Variants in SDK1 observed in about 807,000 individuals in gnomAD.
SDK1 encodes the protein sidekick cell adhesion molecule 1, also known as protein sidekick-1.
A neutral mutation model predicts 245.5 loss-of-function variants in SDK1; 157 were observed. The ratio of observed to expected loss-of-function variants is 0.64; its 90% CI spans 0.56 to 0.73. SDK1 has a LOEUF of 0.73. Among genes scored for constraint, SDK1 ranks in the 30% least tolerant of loss-of-function variants. SDK1 has a pLI of 0.00. For synonymous variants in SDK1, 1,647 were observed against 1,278.5 expected (o/e 1.29, Z -6.15); for missense variants, 3,583 against 3,002.3 (o/e 1.19, Z -4.52).
intron 4 of SDK1, among the ~76,000 whole-genome samples, chr7:3,737,438 C>G (rs1452066863): frequency 1.3e-5 from 2 of 152,212 alleles, no homozygotes; most frequent in Non-Finnish European, 2.9e-5. Flanking sequence ...TGCTGCTCTG[C>G]TAGGTGGGGC....
intron 16 of SDK1, 62 bp from the exon 17 acceptor site, chr7:4,017,109 G>A: frequency 2.7e-6 from 4 of 1,500,528 alleles, no homozygotes; most frequent in Non-Finnish European, 3.6e-6. Flanking sequence ...AATAACTGCG[G>A]GTAAACACCG....
chr7:4,067,491 A>T (rs573910628), intron 19 of SDK1, among the ~76,000 whole-genome samples: 1 of 152,318 alleles, frequency 6.6e-6, no homozygotes, highest in East Asian at 1.9e-4. Context: ...TACACCATGG[A>T]GGAACACTCA....
chr7:4,131,196 G>A (rs1784790093), intron 27 of SDK1, among the ~76,000 whole-genome samples: 1 of 152,186 alleles, frequency 6.6e-6, no homozygotes. Context: ...GTAACAGCAG[G>A]CCCACTGCAA....
At chr7:3,392,030 C>G (rs1470367142) in intron 1 of SDK1, among the ~76,000 whole-genome samples, 2 of 150,950 alleles carry the variant, frequency 1.3e-5, no homozygotes, top group African/African-American at 4.9e-5. Context: ...CCATACAAGG[C>G]TTTTATGGAG....
At chr7:3,918,897 AC>A (rs1332728048) in intron 5 of SDK1, among the ~76,000 whole-genome samples, 1 of 152,130 alleles carries the variant, frequency 6.6e-6, no homozygotes, top group Non-Finnish European at 1.5e-5. Flanking sequence ...TATTCGTGCC[AC>A]TTGCAGTTCC....
At chr7:3,736,142 A>G (rs1179438214) in intron 4 of SDK1, among the ~76,000 whole-genome samples, 1 of 152,094 alleles carries the variant, frequency 6.6e-6, no homozygotes, top group Non-Finnish European at 1.5e-5. Flanking sequence ...CGTAGGTTGC[A>G]TTTTGACCCT....
chr7:4,080,837 C>T (rs1781009947), intron 22 of SDK1, among the ~76,000 whole-genome samples: 1 of 151,724 alleles, frequency 6.6e-6, no homozygotes, highest in Admixed American at 6.6e-5. Flanking sequence ...TGCACACGTA[C>T]CCTAAAACTT....
intron 4 of SDK1, among the ~76,000 whole-genome samples, chr7:3,655,462 T>A (rs1462610701): frequency 6.8e-5 from 1 of 14,766 alleles, no homozygotes. Context: ...TATATATATA[T>A]ATATATATAT....
chr7:3,600,760 G>A (rs976534856), intron 1 of SDK1, among the ~76,000 whole-genome samples: 65 of 152,014 alleles, frequency 4.3e-4, no homozygotes, highest in African/African-American at 1.5e-3. Context: ...GTGTTAGCCA[G>A]GATGGTCTCG....
intron 1 of SDK1, among the ~76,000 whole-genome samples, chr7:3,362,929 G>A (rs1189108303): frequency 1.3e-5 from 2 of 152,150 alleles, no homozygotes; most frequent in East Asian, 3.9e-4. Flanking sequence ...TTTATTTTGG[G>A]GACAACTGTA....
intron 5 of SDK1, among the ~76,000 whole-genome samples, chr7:3,904,228 A>G (rs971646640): frequency 6.6e-6 from 1 of 152,240 alleles, no homozygotes; most frequent in African/African-American, 2.4e-5. Context: ...TGAAATGTGC[A>G]AAATACACAA....
At chr7:3,644,168 C>G (rs1274848205) in intron 4 of SDK1, among the ~76,000 whole-genome samples, 1 of 150,620 alleles carries the variant, frequency 6.6e-6, no homozygotes, top group Non-Finnish European at 1.5e-5. Context: ...TCCCAAAGTG[C>G]TGGGATTACA....
At chr7:4,172,689 T>C (rs773259573) in intron 32 of SDK1, among the ~76,000 whole-genome samples, 3 of 152,108 alleles carry the variant, frequency 2.0e-5, no homozygotes, top group Non-Finnish European at 4.4e-5. Flanking sequence ...AAACTCAAGG[T>C]GTCGGCAGGG....
intron 1 of SDK1, among the ~76,000 whole-genome samples, chr7:3,451,251 A>G (rs575133544): frequency 1.3e-5 from 2 of 151,704 alleles, no homozygotes; most frequent in African/African-American, 2.4e-5. Flanking sequence ...GTGAAGTTCC[A>G]AGAGACAAGC....
intron 28 of SDK1, 65 bp from the exon 29 acceptor site, chr7:4,145,650 GTGTGGGC>G (rs1779915529): frequency 7.3e-7 from 1 of 1,366,362 alleles, no homozygotes; most frequent in African/African-American, 1.5e-5. Flanking sequence ...TCAGCACAGG[GTGTGGGC>G]ACAGGGCTTC....
In SDK1 at chr7:4,115,025, ATCT is replaced by A. The variant is rs547303957; in HGVS notation, c.3823+755_3823+757del. On this transcript the variant is annotated intron_variant, in intron 25 of 44. Coordinates refer to ENST00000404826, the MANE Select transcript of SDK1 (RefSeq NM_152744.4). ...TGCTAATGCTGAAAGTGGCTGCCTA[ATCT>A]TCTGGGCTTTGTGGACTAACTTCCG... Among the ~76,000 whole-genome samples, 20 of 152,310 alleles carry A rather than the reference ATCT, an allele frequency of 1.3e-4. 1 individual carries two copies. The South Asian group carries it at 3.9e-3, about 30-fold the overall frequency.
chr7:3,843,805 A>G (rs371949363), intron 5 of SDK1, among the ~76,000 whole-genome samples: 89 of 152,322 alleles, frequency 5.8e-4, no homozygotes, highest in Middle Eastern at 6.8e-3. Context: ...CTTGAGCCAG[A>G]TGAACTCTAA....
intron 14 of SDK1, among the ~76,000 whole-genome samples, chr7:3,987,543 G>A (rs1174582808): frequency 6.6e-6 from 1 of 152,178 alleles, no homozygotes; most frequent in Admixed American, 6.5e-5. Context: ...GGCTCTTGGT[G>A]GAGAGTGGAT....
chr7:3,869,862 C>T (rs1780915999), intron 5 of SDK1, among the ~76,000 whole-genome samples: 1 of 152,124 alleles, frequency 6.6e-6, no homozygotes, highest in African/African-American at 2.4e-5. Flanking sequence ...ACAAATAATA[C>T]ATTGGTTCCT....
Sources: allele counts gnomAD v4.1 joint callset (sites outside exome capture counted in the v4.1 genomes callset), GRCh38; gene constraint gnomAD v4.1.1; transcripts MANE v1.5; gene names NCBI Gene and HGNC (gene_info 2026-07-23, HGNC 2026-07-21).